EDARADD: variants seen among roughly 807,000 people sequenced by gnomAD.
The protein encoded by EDARADD is ectodysplasin-A receptor-associated adapter protein.
Under a neutral mutation model 25.6 loss-of-function variants are expected in EDARADD, and 20 were observed. The observed-to-expected ratio is 0.78, with a 90% confidence interval of 0.55 to 1.14. The LOEUF (loss-of-function observed/expected upper bound fraction) is 1.14, where lower values mean the gene tolerates loss of function less well. EDARADD is among the 50% of genes most tolerant of loss of function. The pLI is 0.00. For synonymous variants in EDARADD, 86 were observed against 94.4 expected (o/e 0.91, Z 0.52); for missense variants, 225 against 270.1 (o/e 0.83, Z 1.17).
chr1:236,432,428 A>C (rs552723797), intron 4 of EDARADD, among the ~76,000 whole-genome samples: 1 of 152,120 alleles, frequency 6.6e-6, no homozygotes, highest in South Asian at 2.1e-4. Flanking sequence ...GTTTGTAGCC[A>C]AGAATCCATG....
intron 4 of EDARADD, among the ~76,000 whole-genome samples, chr1:236,456,393 T>C (rs569774723): frequency 7.9e-5 from 12 of 152,276 alleles, no homozygotes; most frequent in Middle Eastern, 6.8e-3. Context: ...TAAAAATAAA[T>C]GGGTAATGCC....
chr1:236,426,794 C>G (rs947167752), intron 3 of EDARADD, among the ~76,000 whole-genome samples: 8 of 152,218 alleles, frequency 5.3e-5, no homozygotes, highest in African/African-American at 1.9e-4. Context: ...ACTTGGGAGG[C>G]TGAGGTGGGA....
At chr1:236,396,751 T>C (rs536230158) in intron 1 of EDARADD, among the ~76,000 whole-genome samples, 1 of 151,106 alleles carries the variant, frequency 6.6e-6, no homozygotes, top group East Asian at 2.0e-4. Flanking sequence ...ATGCGGAAAA[T>C]AAATACATTG....
At chr1:236,460,450 T>C (rs770340251) in intron 4 of EDARADD, among the ~76,000 whole-genome samples, 10 of 152,152 alleles carry the variant, frequency 6.6e-5, no homozygotes, top group Non-Finnish European at 1.5e-4. Flanking sequence ...CCTCCCAAAC[T>C]GTTGAGATTA....
At chr1:236,409,379 C>A in intron 2 of EDARADD, 105 bp downstream of exon 2, 1 of 866,900 alleles carries the variant, frequency 1.2e-6, no homozygotes, top group Non-Finnish European at 1.9e-6. Flanking sequence ...GCATCAGAAA[C>A]CCCAAAGTAA....
chr1:236,428,500 G>T (rs893010267), intron 4 of EDARADD, among the ~76,000 whole-genome samples: 1 of 152,026 alleles, frequency 6.6e-6, no homozygotes, highest in African/African-American at 2.4e-5. Flanking sequence ...CCGCCCAGAC[G>T]GGGTGGCGGC....
At chr1:236,403,102 T>C (rs558927065) in intron 1 of EDARADD, among the ~76,000 whole-genome samples, 3 of 152,058 alleles carry the variant, frequency 2.0e-5, no homozygotes, top group African/African-American at 7.2e-5. Flanking sequence ...ATTACAAGCA[T>C]GTGCCACCAC....
chr1:236,429,916 A>G (rs2103017490), intron 4 of EDARADD, among the ~76,000 whole-genome samples: 1 of 152,358 alleles, frequency 6.6e-6, no homozygotes, highest in South Asian at 2.1e-4. Context: ...GTTTTGCCTC[A>G]AATAGGCTGA....
At chr1:236,453,893 A>G (rs1048401012) in intron 4 of EDARADD, among the ~76,000 whole-genome samples, 1 of 152,224 alleles carries the variant, frequency 6.6e-6, no homozygotes, top group Non-Finnish European at 1.5e-5. Flanking sequence ...TAAGTTCTGC[A>G]TTATGTTATA....
rs1004986136 is a variant in EDARADD, at chr1:236,353,890, G to GT, written c.-6+3060dup. Among the ~76,000 whole-genome samples, 47 of 150,934 alleles carry GT rather than the reference G, an allele frequency of 3.1e-4. 1 individual carries two copies. Among genetic ancestry groups the GT allele is most frequent in the African/African-American group, 1.0e-3 (42 of 41,148 alleles). ...TGACAGCTCTTTCCTTAAAAAAAAA[G>GT]TTTTTTTTTGCAAGAGAAAAGACAG... On this transcript the variant is annotated intron_variant, in intron 3 of 7. Coordinates refer to the EDARADD transcript ENST00000439430.
chr1:236,391,422 T>C (rs1667424759), upstream of EDARADD, among the ~76,000 whole-genome samples: 1 of 152,228 alleles, frequency 6.6e-6, no homozygotes, highest in African/African-American at 2.4e-5. Context: ...GTAACTCTTG[T>C]TGGGGCATCT....
chr1:236,404,097 C>CGATGGGCTCA (rs1437418466), intron 1 of EDARADD, among the ~76,000 whole-genome samples: 1 of 152,202 alleles, frequency 6.6e-6, no homozygotes, highest in East Asian at 1.9e-4. Flanking sequence ...GCCTTGTCTC[C>CGATGGGCTCA]GATGGGCTCA....
chr1:236,447,658 A>G (rs1658603367), intron 4 of EDARADD, among the ~76,000 whole-genome samples: 1 of 152,186 alleles, frequency 6.6e-6, no homozygotes, highest in African/African-American at 2.4e-5. Flanking sequence ...CACATTAGGC[A>G]GTAATGAGAA....
chr1:236,393,391 CTTTTTTTTTTTTT>C (rs761525038), upstream of EDARADD, among the ~76,000 whole-genome samples: 15 of 87,202 alleles, frequency 1.7e-4, 1 homozygote, highest in East Asian at 5.6e-3. Context: ...TTCTTTCTTT[CTTTTTTTTTTTTT>C]TTTTTTTTTG....
intron 5 of EDARADD, among the ~76,000 whole-genome samples, chr1:236,479,078 GTGA>G (rs1327894052): frequency 6.6e-6 from 1 of 152,138 alleles, no homozygotes; most frequent in East Asian, 1.9e-4. Context: ...TACTGCTCGG[GTGA>G]TGGGTGCACC....
At chr1:236,464,519 G>A (rs564544800) in intron 4 of EDARADD, among the ~76,000 whole-genome samples, 10 of 128,376 alleles carry the variant, frequency 7.8e-5, no homozygotes, top group East Asian at 5.0e-4. Context: ...TGCAACCTCC[G>A]CCTCCCGGGT....
At chr1:236,353,633 G>A (rs964010397) in intron 3 of EDARADD, among the ~76,000 whole-genome samples, 23 of 135,400 alleles carry the variant, frequency 1.7e-4, no homozygotes, top group African/African-American at 6.1e-4. Context: ...AGCCAAGATC[G>A]CACAACTGCA....
At chr1:236,385,019 G>T (rs1667335639) in intron 3 of EDARADD, among the ~76,000 whole-genome samples, 1 of 148,322 alleles carries the variant, frequency 6.7e-6, no homozygotes, top group South Asian at 2.1e-4. Context: ...AACTTCTCTT[G>T]TCTTGCTGCA....
At chr1:236,445,946 C>T (rs575852118) in intron 4 of EDARADD, among the ~76,000 whole-genome samples, 4 of 152,194 alleles carry the variant, frequency 2.6e-5, no homozygotes, top group Non-Finnish European at 5.9e-5. Flanking sequence ...AGCACCCATA[C>T]ACAAAGAATG....
Sources: allele counts gnomAD v4.1 joint callset (sites outside exome capture counted in the v4.1 genomes callset), GRCh38; gene constraint gnomAD v4.1.1; transcripts MANE v1.5; gene names NCBI Gene and HGNC (gene_info 2026-07-23, HGNC 2026-07-21).